Variants in NYAP1 observed in about 807,000 individuals in gnomAD.
NYAP1 encodes neuronal tyrosine-phosphorylated phosphoinositide-3-kinase adapter 1.
NYAP1 carries 20 observed loss-of-function variants against 58.6 expected under a neutral mutation model. That is an observed-to-expected ratio of 0.34 (90% CI 0.24 to 0.50). The LOEUF (loss-of-function observed/expected upper bound fraction) is 0.50. NYAP1 is among the 20% of genes least tolerant of loss of function. The pLI, the probability that NYAP1 is intolerant of heterozygous loss-of-function variation, is 0.98. For missense variants in NYAP1, 1,150 were observed against 1,194.5 expected, an observed-to-expected ratio of 0.96 and a Z score of 0.55; for synonymous variants, 572 against 523.1, an observed-to-expected ratio of 1.09 and a Z score of -1.27.
Position 100,493,674 on chromosome 7 carries a change from C to G in NYAP1, c.2297C>G (p.Pro766Arg). The part of the protein sequence containing the change: ...QPHPALPLPL[P>R]LPPQPARERD... The stretch of plus-strand genomic sequence containing the variant: ...CACCCCGCGCTGCCGCTGCCTCTGC[C>G]CCTGCCGCCCCAGCCGGCCCGCGAG... The change falls in exon 7 of 7, where the codon CCC (proline) becomes CGC (arginine). Residue 766 changes from proline (P) to arginine (R), a missense_variant. Physicochemically the swap from Pro to Arg is moderately radical, Grantham distance 103 (BLOSUM62 -2). Coordinates refer to ENST00000300179, the MANE Select transcript of NYAP1 (RefSeq NM_173564.4). The G allele has an allele frequency of 6.3e-7, 1 of 1,587,362 alleles. No individual in the cohort carries two copies. The highest frequency in any genetic ancestry group is 8.5e-7 in the Non-Finnish European group (1 of 1,171,864).
intron 6 of NYAP1, among the ~76,000 whole-genome samples, chr7:100,492,123 C>T (rs1799804587): frequency 6.6e-6 from 1 of 152,034 alleles, no homozygotes; most frequent in Admixed American, 6.6e-5. Flanking sequence ...CCCGTAATCC[C>T]AGCTACTCGG....
Position 100,489,683 on chromosome 7 carries a change from G to C in NYAP1, c.1945+17G>C. 8.0e-7 allele frequency: 1 copy of C among 1,244,620 alleles called. No homozygotes were observed. The highest frequency in any genetic ancestry group is 1.1e-6 in the Non-Finnish European group (1 of 907,774). The allele number at this position is 1,244,620 out of a possible 1,614,324, so 77.1% of individuals were successfully genotyped here. On this transcript the variant is annotated intron_variant, in intron 4 of 6. Coordinates refer to ENST00000300179, the MANE Select transcript of NYAP1 (RefSeq NM_173564.4). Reference sequence around the variant, plus strand: ...AGTTGGACAGTGAGTGAGGGGTGGGGAGTGGGGGCTGGCATCAGGGGTGGG... The same window carrying C: ...AGTTGGACAGTGAGTGAGGGGTGGGCAGTGGGGGCTGGCATCAGGGGTGGG...
At position 100,485,105 on chromosome 7, in the gene NYAP1, CTG is replaced by C; in HGVS notation, c.-84-119_-84-118del. ...CTCGAAGCTGTGTTGGGTTTTCTGT[CTG>C]TGTTTTCCTCTCTGAGGACCCGAGT... On this transcript the variant is annotated intron_variant, in intron 1 of 6. Coordinates refer to ENST00000300179, the MANE Select transcript of NYAP1 (RefSeq NM_173564.4). This position sits in a 1 kb window ranked among gnomAD's most constrained non-coding sequence, Gnocchi z 5.7. 4 of 582,222 alleles carry C rather than the reference CTG, an allele frequency of 6.9e-6. No individual in the cohort carries two copies. The highest frequency in any genetic ancestry group is 2.1e-5 in the South Asian group (1 of 48,726). 36.1% of individuals were successfully genotyped at this position (582,222 alleles called of 1,614,324 possible).
intron 4 of NYAP1, among the ~76,000 whole-genome samples, chr7:100,489,893 A>G (rs1234305700): frequency 6.6e-6 from 1 of 152,012 alleles, no homozygotes; most frequent in Non-Finnish European, 1.5e-5. Flanking sequence ...AAGGGGGTCA[A>G]ATCTGGCCCT....
Position 100,487,259 on chromosome 7 carries a change from G to T in NYAP1, c.430+77G>T. The T allele has an allele frequency of 7.1e-7, 1 of 1,401,216 alleles. No individual in the cohort carries two copies. Among genetic ancestry groups the T allele is most frequent in the Non-Finnish European group, 9.4e-7 (1 of 1,064,884 alleles). The allele number at this position is 1,401,216 out of a possible 1,614,324, so 86.8% of individuals were successfully genotyped here. A position where few individuals can be genotyped will look rare whatever the true frequency, so the allele number is the denominator to read the frequency against. On this transcript the variant is annotated intron_variant, in intron 3 of 6. Coordinates refer to ENST00000300179, the MANE Select transcript of NYAP1 (RefSeq NM_173564.4). This position sits in a 1 kb window ranked among gnomAD's most constrained non-coding sequence, Gnocchi z 4.1. ...TATTCCACGCCCGGGGAGGCTTGCCGGGAGGGTTCATTCAGGGAAGAACCA... is the reference window on the plus strand; with the variant it reads ...TATTCCACGCCCGGGGAGGCTTGCCTGGAGGGTTCATTCAGGGAAGAACCA...
At chr7:100,493,208 A>G (rs1799820580) in intron 6 of NYAP1, among the ~76,000 whole-genome samples, 1 of 152,148 alleles carries the variant, frequency 6.6e-6, no homozygotes, top group South Asian at 2.1e-4. Context: ...TTTTTTAACA[A>G]TTAGCTGGTG....
In NYAP1 at chr7:100,487,307, C is replaced by T; in HGVS notation, c.430+125C>T. 9.3e-7 allele frequency: 1 copy of T among 1,075,124 alleles called. No individual in the cohort carries two copies. Among genetic ancestry groups the T allele is most frequent in the Non-Finnish European group, 1.3e-6 (1 of 792,990 alleles). 66.6% of individuals were successfully genotyped at this position (1,075,124 alleles called of 1,614,324 possible). Reference sequence around the variant, plus strand: ...CCAAGGAAGTGGAAGATTCCATTCTCAAAAGGAATTGGGGGGGTCCTTTTG... The same window carrying T: ...CCAAGGAAGTGGAAGATTCCATTCTTAAAAGGAATTGGGGGGGTCCTTTTG... On this transcript the variant is annotated intron_variant, in intron 3 of 6. Transcript: ENST00000300179. The surrounding 1 kb of genome is among the most constrained non-coding windows in gnomAD (Gnocchi z 4.1).
Position 100,490,202 on chromosome 7 carries a change from G to A in NYAP1, c.1946-315G>A, listed in dbSNP as rs115398335. Among the ~76,000 whole-genome samples the A allele has an allele frequency of 4.2e-3, 642 of 152,184 alleles. 5 individuals carry two copies. The highest frequency in any genetic ancestry group is 0.014 in the African/African-American group (585 of 41,504). On this transcript the variant is annotated intron_variant, in intron 4 of 6. Transcript: ENST00000300179. The surrounding 1 kb of genome is among the most constrained non-coding windows in gnomAD (Gnocchi z 4.6). ...TGATCCCAGGGGGATGGTCATTCTC[G>A]CCCTATCTGGAGATGGAGGGGCTTG...
In NYAP1 at chr7:100,488,898, A is replaced by G. The variant is rs1367343230; in HGVS notation, c.1177A>G (p.Asn393Asp). 2 of 1,598,156 alleles carry G rather than the reference A, an allele frequency of 1.3e-6. No homozygotes were observed. Among genetic ancestry groups the G allele is most frequent in the Admixed American group, 1.7e-5 (1 of 57,708 alleles). ...CCCACCGCCTCCACCTCCTGCTGCCAACCTGCTGCTGCTGGGACCATCGGG... is the reference window on the plus strand; with the variant it reads ...CCCACCGCCTCCACCTCCTGCTGCCGACCTGCTGCTGCTGGGACCATCGGG... ...PPPPPPPPAANLLLLGPSGRA... is the reference protein window; with the variant it reads ...PPPPPPPPAADLLLLGPSGRA... Residue 393 changes from asparagine (N) to aspartate (D), a missense_variant, in exon 4 of 7, where the codon AAC (asparagine) becomes GAC (aspartate). By Grantham distance (23) the Asn-to-Asp change is conservative (BLOSUM62 1). Transcript: ENST00000300179. The surrounding 1 kb of genome is among the most constrained non-coding windows in gnomAD (Gnocchi z 5.9).
intron 4 of NYAP1, 29 bp downstream of exon 4, chr7:100,489,695 G>A (rs2131068269): frequency 7.0e-6 from 2 of 286,920 alleles, no homozygotes; most frequent in Non-Finnish European, 6.8e-6. Flanking sequence ...GTGGGGGCTG[G>A]CATCAGGGGT....
intron 6 of NYAP1, among the ~76,000 whole-genome samples, chr7:100,492,920 T>G (rs1799815177): frequency 1.5e-5 from 2 of 129,436 alleles, no homozygotes; most frequent in African/African-American, 2.9e-5. Context: ...AGAGAGAGAG[T>G]GAGAGAAAGA....
chr7:100,484,784 G>A (rs1799683114), intron 1 of NYAP1, among the ~76,000 whole-genome samples: 1 of 152,066 alleles, frequency 6.6e-6, no homozygotes, highest in African/African-American at 2.4e-5. Context: ...GTCTGTGGGT[G>A]TGTCTGTGGG....
rs1402172238 is a variant in NYAP1 at position 100,489,294 on chromosome 7, C to T, written c.1573C>T (p.Leu525Phe). Reference sequence around the variant, plus strand: ...GGCCATGGGCGCAGCAGCTGGGGTCCTCCACCACCGCGGCTGCCTGGCCTC... The same window carrying T: ...GGCCATGGGCGCAGCAGCTGGGGTCTTCCACCACCGCGGCTGCCTGGCCTC... ...GGAMGAAAGV[L>F]HHRGCLASPH... Residue 525 changes from leucine to phenylalanine, a missense_variant, in exon 4 of 7, where the codon CTC becomes TTC. Leu to Phe is a conservative substitution (Grantham distance 22, BLOSUM62 0). Coordinates refer to ENST00000300179, the MANE Select transcript of NYAP1 (RefSeq NM_173564.4). The T allele has an allele frequency of 3.8e-6, 6 of 1,599,932 alleles. No individual in the cohort carries two copies. The African/African-American group carries it at 8.0e-5, about 21-fold the overall frequency.
In NYAP1 at chr7:100,490,166, C is replaced by T. The variant is rs1584360561; in HGVS notation, c.1946-351C>T. On this transcript the variant is annotated intron_variant, in intron 4 of 6. Coordinates refer to ENST00000300179, the MANE Select transcript of NYAP1 (RefSeq NM_173564.4). This position sits in a 1 kb window ranked among gnomAD's most constrained non-coding sequence, Gnocchi z 4.6. ...TGGGCTCAGGAATTGGGATTCTCCC[C>T]CTACAGGTCTTGATCCCAGGGGGAT... Among the ~76,000 whole-genome samples the T allele has an allele frequency of 6.6e-6, 1 of 152,138 alleles. No homozygotes were observed. Among genetic ancestry groups the T allele is most frequent in the African/African-American group, 2.4e-5 (1 of 41,434 alleles).
In NYAP1 at chr7:100,488,187, A is replaced by AG; in HGVS notation, c.467dup (p.Ser156ArgfsTer14). On this transcript the variant is annotated frameshift_variant, in exon 4 of 7. Coordinates refer to ENST00000300179, the MANE Select transcript of NYAP1 (RefSeq NM_173564.4). LOFTEE classifies it high-confidence loss of function. The surrounding 1 kb of genome is among the most constrained non-coding windows in gnomAD (Gnocchi z 5.9). ...GCCAACCCCAGAGGGCCGAGAGTCC[A>AG]GCCGGAAGGTTCCTCCGCAGAAGCC... 1 of 1,607,416 alleles carries AG rather than the reference A, an allele frequency of 6.2e-7. No individual in the cohort carries two copies. Among genetic ancestry groups the AG allele is most frequent in the Non-Finnish European group, 8.5e-7 (1 of 1,177,840 alleles).
At chr7:100,484,661 T>A (rs1441987317) in intron 1 of NYAP1, among the ~76,000 whole-genome samples, 1 of 150,544 alleles carries the variant, frequency 6.6e-6, no homozygotes, top group Non-Finnish European at 1.5e-5. Flanking sequence ...GGGGGGAGAG[T>A]CTGACCATCT....
chr7:100,490,363 T>C lies in NYAP1; in HGVS notation c.1946-154T>C, dbSNP rs937886343. 4 of 685,958 alleles carry C rather than the reference T, an allele frequency of 5.8e-6. No individual in the cohort carries two copies. Among genetic ancestry groups the C allele is most frequent in the Non-Finnish European group, 1.1e-5 (4 of 378,792 alleles). The allele number at this position is 685,958 out of a possible 1,614,324, so 42.5% of individuals were successfully genotyped here. On this transcript the variant is annotated intron_variant, in intron 4 of 6. Transcript: ENST00000300179. The surrounding 1 kb of genome is among the most constrained non-coding windows in gnomAD (Gnocchi z 4.6). ...AGGGGTGTGTGTGTGTTTGTATGTA[T>C]GTTGGGGGAGTGTGAAGGAGCCCCA...
chr7:100,493,663 G>GCTGCCTCTGCCC lies in NYAP1; in HGVS notation c.2292_2303dup (p.Leu765_Pro768dup), dbSNP rs1466707425. ...CGGCACAGCCCCACCCCGCGCTGCCGCTGCCTCTGCCCCTGCCGCCCCAGC... is the reference window on the plus strand; with the variant it reads ...CGGCACAGCCCCACCCCGCGCTGCCGCTGCCTCTGCCCCTGCCTCTGCCCCTGCCGCCCCAGC... On this transcript the variant is annotated inframe_insertion, in exon 7 of 7. Coordinates refer to ENST00000300179, the MANE Select transcript of NYAP1 (RefSeq NM_173564.4). 2 of 1,582,812 alleles carry GCTGCCTCTGCCC rather than the reference G, an allele frequency of 1.3e-6. No homozygotes were observed. Among genetic ancestry groups the GCTGCCTCTGCCC allele is most frequent in the Non-Finnish European group, 1.7e-6 (2 of 1,170,302 alleles).
At chr7:100,493,558 C>T (rs1799825451) in intron 6 of NYAP1, 88 bp from the exon 7 acceptor site, 3 of 1,101,808 alleles carry the variant, frequency 2.7e-6, no homozygotes, top group Middle Eastern at 3.0e-4. Flanking sequence ...TGAGGGGAGA[C>T]GTGGGTCTCG....
Sources: allele counts gnomAD v4.1 joint callset (sites outside exome capture counted in the v4.1 genomes callset), GRCh38; gene constraint gnomAD v4.1.1; non-coding constraint Gnocchi (gnomAD v3.1); transcripts MANE v1.5; gene names NCBI Gene and HGNC (gene_info 2026-07-23, HGNC 2026-07-21).